Variants in CEP112 observed in about 807,000 individuals in gnomAD.
CEP112 encodes the protein centrosomal protein 112.
A neutral mutation model predicts 153.0 loss-of-function variants in CEP112; 127 were observed. The observed-to-expected ratio is 0.83, with a 90% CI of 0.72 to 0.96. The LOEUF (loss-of-function observed/expected upper bound fraction) is 0.96, where lower values mean the gene tolerates loss of function less well. CEP112 is among the 40% of genes least tolerant of loss of function. The pLI is 0.00. For synonymous variants in CEP112, 358 were observed against 374.4 expected (o/e 0.96, Z 0.51); for missense variants, 1,089 against 1,101.2 (o/e 0.99, Z 0.16).
At chr17:65,851,539 C>A (rs761201569) in intron 21 of CEP112, among the ~76,000 whole-genome samples, 2 of 152,144 alleles carry the variant, frequency 1.3e-5, no homozygotes, top group Non-Finnish European at 2.9e-5. Flanking sequence ...CACTTTATTA[C>A]AACGTGTATT....
intron 19 of CEP112, among the ~76,000 whole-genome samples, chr17:65,916,287 G>GTA (rs1555711269): frequency 8.5e-4 from 125 of 147,594 alleles, no homozygotes; most frequent in South Asian, 3.1e-3. Context: ...GTGTGTGTGT[G>GTA]TGTGTATGTG....
chr17:65,844,652 G>C (rs1367210234), intron 21 of CEP112, among the ~76,000 whole-genome samples: 4 of 81,324 alleles, frequency 4.9e-5, no homozygotes, highest in Non-Finnish European at 1.1e-4. Context: ...GCTCCATCCT[G>C]GGCTACAAAG....
At chr17:65,903,892 G>A (rs1289852668) in intron 19 of CEP112, among the ~76,000 whole-genome samples, 3 of 152,044 alleles carry the variant, frequency 2.0e-5, no homozygotes, top group Non-Finnish European at 4.4e-5. Context: ...ATGCAGAAAA[G>A]GCCTTTGATA....
At chr17:65,735,519 A>G (rs928274708) in intron 23 of CEP112, among the ~76,000 whole-genome samples, 1 of 152,340 alleles carries the variant, frequency 6.6e-6, no homozygotes, top group South Asian at 2.1e-4. Flanking sequence ...AACCCAATGT[A>G]AGTAGAAAAT....
At chr17:65,920,391 AT>A (rs1463831207) in intron 19 of CEP112, among the ~76,000 whole-genome samples, 2 of 112,662 alleles carry the variant, frequency 1.8e-5, no homozygotes, top group African/African-American at 7.2e-5. Flanking sequence ...ATATATATAT[AT>A]ATATATATAT....
chr17:66,031,487 T>G (rs1387142865), intron 12 of CEP112, among the ~76,000 whole-genome samples: 3 of 6,394 alleles, frequency 4.7e-4, no homozygotes, highest in African/African-American at 1.7e-3. Context: ...TTTTTTTTTG[T>G]TTTTTTTTTT....
chr17:66,149,084 T>C (rs117504711), intron 4 of CEP112, among the ~76,000 whole-genome samples: 5,195 of 152,286 alleles, frequency 0.034, 131 homozygotes, highest in Middle Eastern at 0.061. Flanking sequence ...ATTAAGATGA[T>C]TGTGTGAGGG....
chr17:65,871,186 AGAAAG>A (rs1598838921), intron 20 of CEP112, among the ~76,000 whole-genome samples: 1 of 152,188 alleles, frequency 6.6e-6, no homozygotes, highest in East Asian at 1.9e-4. Flanking sequence ...ATGAGATGAA[AGAAAG>A]GAGAGTGCTG....
At chr17:65,776,320 C>T (rs372045935) in intron 21 of CEP112, among the ~76,000 whole-genome samples, 10 of 152,264 alleles carry the variant, frequency 6.6e-5, no homozygotes, top group East Asian at 1.9e-4. Context: ...CTGCAAGCTC[C>T]GCCTCCCGAG....
intron 4 of CEP112, among the ~76,000 whole-genome samples, chr17:66,138,802 C>T (rs1224749247): frequency 6.6e-6 from 1 of 151,900 alleles, no homozygotes; most frequent in Admixed American, 6.6e-5. Flanking sequence ...AATTATATAA[C>T]AGTCAGAAAG....
chr17:65,859,894 G>A (rs867594956), intron 20 of CEP112, among the ~76,000 whole-genome samples: 9 of 148,386 alleles, frequency 6.1e-5, no homozygotes, highest in South Asian at 2.1e-4. Flanking sequence ...GGTGGCGGGC[G>A]CCTCCAGCTA....
chr17:66,064,406 T>G (rs1442016191), intron 10 of CEP112, among the ~76,000 whole-genome samples: 1 of 152,248 alleles, frequency 6.6e-6, no homozygotes, highest in Non-Finnish European at 1.5e-5. Flanking sequence ...TTACTAAAAT[T>G]ATTTAAACAG....
chr17:65,880,089 T>C (rs575339242), intron 20 of CEP112, among the ~76,000 whole-genome samples: 1 of 152,328 alleles, frequency 6.6e-6, no homozygotes, highest in Non-Finnish European at 1.5e-5. Context: ...TTTTGTGCTA[T>C]TGTAAACGGT....
At chr17:66,126,272 C>A (rs1433371508) in intron 6 of CEP112, among the ~76,000 whole-genome samples, 1 of 152,068 alleles carries the variant, frequency 6.6e-6, no homozygotes, top group Non-Finnish European at 1.5e-5. Context: ...CAAAAACTTC[C>A]AATATTCCTG....
intron 20 of CEP112, among the ~76,000 whole-genome samples, chr17:65,870,027 A>AAGAG (rs1354117928): frequency 3.3e-5 from 2 of 60,266 alleles, no homozygotes; most frequent in African/African-American, 9.2e-5. Flanking sequence ...GAAAGAAAGA[A>AAGAG]AGAAAGAAAG....
Position 65,927,600 on chromosome 17 carries a change from T to C in CEP112, c.1962A>G (p.Arg654=), listed in dbSNP as rs1665450011. The change falls in exon 19 of 27, where the codon AGA becomes AGG. Residue 654 remains arginine, a synonymous_variant. Transcript: ENST00000535342. ...GACCAACCTGTTGTTCATACCGCTG[T>C]CTGATGTCCTCCAGTTGCCATAAAA... ...KEFLWQLEDI[R]QRYEQQIVEL... is the part of the protein sequence containing the mutation. 6.3e-7 allele frequency: 1 copy of C among 1,599,508 alleles called. No individual in the cohort carries two copies. The highest frequency in any genetic ancestry group is 1.3e-5 in the African/African-American group (1 of 74,408).
chr17:65,854,164 T>C (rs1465370075), intron 20 of CEP112, among the ~76,000 whole-genome samples: 4 of 152,138 alleles, frequency 2.6e-5, no homozygotes, highest in African/African-American at 9.7e-5. Context: ...TAAACCAACA[T>C]TTCCTTGACT....
intron 21 of CEP112, among the ~76,000 whole-genome samples, chr17:65,754,971 C>A (rs7342945): frequency 2.0e-5 from 3 of 151,920 alleles, no homozygotes; most frequent in Non-Finnish European, 4.4e-5. Context: ...ATAGCTAATG[C>A]GTGCTGGGCT....
At chr17:65,844,296 C>T (rs1019285503) in intron 21 of CEP112, among the ~76,000 whole-genome samples, 7 of 152,182 alleles carry the variant, frequency 4.6e-5, no homozygotes, top group Admixed American at 2.6e-4. Context: ...CCTGTTAATT[C>T]TACTAGGATT....
Sources: gnomAD v4.1 joint callset for allele counts (sites outside exome capture counted in the v4.1 genomes callset) on GRCh38, gnomAD v4.1.1 for gene constraint, MANE v1.5 for transcripts, NCBI Gene and HGNC (gene_info 2026-07-23, HGNC 2026-07-21) for gene names.